The following KCNIP4 variants were observed in gnomAD, a reference collection of about 807,000 sequenced individuals.
KCNIP4 encodes the protein potassium voltage-gated channel interacting protein 4.
In KCNIP4, 12 loss-of-function variants were observed where a neutral mutation model predicts 34.0. That is an observed-to-expected ratio of 0.35 (90% confidence interval 0.23 to 0.57). The LOEUF is 0.57. Ranked by LOEUF, KCNIP4 falls within the 20% of genes least tolerant of loss-of-function variation. The pLI, the probability that KCNIP4 is intolerant of heterozygous loss-of-function variation, is 0.83. For synonymous variants in KCNIP4, 124 were observed against 102.2 expected, an observed-to-expected ratio of 1.21 and a Z score of -1.29; for missense variants, 238 against 311.7, an observed-to-expected ratio of 0.76 and a Z score of 1.78.
At chr4:21,596,794 A>G (rs1742682339) in intron 1 of KCNIP4, among the ~76,000 whole-genome samples, 1 of 152,096 alleles carries the variant, frequency 6.6e-6, no homozygotes, top group Non-Finnish European at 1.5e-5. Flanking sequence ...CATACTAAAC[A>G]GTCACTGCAG....
At position 21,773,639 on chromosome 4, in the gene KCNIP4, T is replaced by C. The variant is rs188922042; in HGVS notation, c.61+174932A>G. 4.1e-4 allele frequency among the ~76,000 whole-genome samples: 63 copies of C among 152,334 alleles called. 1 individual carries two copies. The East Asian group carries it at 0.012, about 28-fold the overall frequency. On this transcript the variant is annotated intron_variant, in intron 1 of 8. Coordinates refer to ENST00000382152, the MANE Select transcript of KCNIP4 (RefSeq NM_025221.6). Reference sequence around the variant, plus strand: ...ATATATTTAGAATAGTTAGGTCTTCTTGTTAAATTGTTCCCTTTATTGTTA... The same window carrying C: ...ATATATTTAGAATAGTTAGGTCTTCCTGTTAAATTGTTCCCTTTATTGTTA...
chr4:21,407,066 T>C (rs1724057564), intron 1 of KCNIP4, among the ~76,000 whole-genome samples: 1 of 152,196 alleles, frequency 6.6e-6, no homozygotes, highest in Non-Finnish European at 1.5e-5. Context: ...AGACCTTAAA[T>C]GATTTTTATG....
At chr4:20,911,509 G>A (rs1728322604) in intron 1 of KCNIP4, among the ~76,000 whole-genome samples, 1 of 152,248 alleles carries the variant, frequency 6.6e-6, no homozygotes, top group South Asian at 2.1e-4. Context: ...AAGGAGAAAA[G>A]GGTGGGTAAA....
chr4:21,798,404 C>T (rs866786848), intron 1 of KCNIP4, among the ~76,000 whole-genome samples: 4 of 129,664 alleles, frequency 3.1e-5, no homozygotes, highest in Non-Finnish European at 6.6e-5. Flanking sequence ...CAAAAAAATA[C>T]ATATATATAT....
intron 3 of KCNIP4, among the ~76,000 whole-genome samples, chr4:20,772,351 G>A (rs144881914): frequency 6.6e-6 from 1 of 152,278 alleles, no homozygotes; most frequent in East Asian, 1.9e-4. Flanking sequence ...GGAGCGTAAC[G>A]GTTAATCAAC....
intron 2 of KCNIP4, among the ~76,000 whole-genome samples, chr4:20,860,847 T>C (rs1184670765): frequency 2.0e-5 from 3 of 152,184 alleles, no homozygotes; most frequent in Non-Finnish European, 2.9e-5. Flanking sequence ...GGTGATGCTA[T>C]TGTTTGTTTA....
At chr4:21,377,294 C>A (rs1288054392) in intron 1 of KCNIP4, among the ~76,000 whole-genome samples, 1 of 152,156 alleles carries the variant, frequency 6.6e-6, no homozygotes, top group African/African-American at 2.4e-5. Context: ...GTCTCTCCTG[C>A]CACATACTGA....
At chr4:21,402,565 G>A (rs893504482) in intron 1 of KCNIP4, among the ~76,000 whole-genome samples, 5 of 152,142 alleles carry the variant, frequency 3.3e-5, no homozygotes, top group African/African-American at 9.7e-5. Context: ...TGTATTCATA[G>A]GCTAACTCTC....
At chr4:21,930,858 T>C (rs752990129) in intron 1 of KCNIP4, among the ~76,000 whole-genome samples, 9 of 152,130 alleles carry the variant, frequency 5.9e-5, no homozygotes, top group Non-Finnish European at 1.0e-4. Flanking sequence ...TGTCCACATG[T>C]CCCTCTCTCC....
At chr4:21,926,507 C>T (rs1729252949) in intron 1 of KCNIP4, among the ~76,000 whole-genome samples, 1 of 152,166 alleles carries the variant, frequency 6.6e-6, no homozygotes, top group African/African-American at 2.4e-5. Context: ...TCATAATCAC[C>T]ATGACCATTT....
chr4:21,737,200 A>C (rs1024532216), intron 1 of KCNIP4, among the ~76,000 whole-genome samples: 1 of 152,156 alleles, frequency 6.6e-6, no homozygotes, highest in Non-Finnish European at 1.5e-5. Context: ...GTGATGTACT[A>C]AAATGTTATC....
At chr4:21,072,758 C>T (rs979104020) in intron 1 of KCNIP4, among the ~76,000 whole-genome samples, 43 of 152,184 alleles carry the variant, frequency 2.8e-4, no homozygotes, top group African/African-American at 1.0e-3. Context: ...AGGTTTTCTC[C>T]TAGGGTTTTT....
At chr4:20,755,190 AAC>A (rs1754286201) in intron 4 of KCNIP4, among the ~76,000 whole-genome samples, 1 of 152,164 alleles carries the variant, frequency 6.6e-6, no homozygotes. Context: ...TTCACTTAAT[AAC>A]AGTCTTCCTG....
At chr4:21,086,499 T>TA (rs1746445187) in intron 1 of KCNIP4, among the ~76,000 whole-genome samples, 1 of 152,204 alleles carries the variant, frequency 6.6e-6, no homozygotes, top group South Asian at 2.1e-4. Flanking sequence ...ATTAAAAATA[T>TA]ATGATACATA....
At chr4:21,027,028 A>T (rs186933073) in intron 1 of KCNIP4, among the ~76,000 whole-genome samples, 8 of 152,350 alleles carry the variant, frequency 5.3e-5, no homozygotes. Context: ...TTCAATTTTC[A>T]AAAGATTATT....
At chr4:21,372,386 A>ATAGATAGATAGATAGATAGATAGT (rs1323077380) in intron 1 of KCNIP4, among the ~76,000 whole-genome samples, 1 of 146,850 alleles carries the variant, frequency 6.8e-6, no homozygotes, top group African/African-American at 2.7e-5. Flanking sequence ...AGATAGATAG[A>ATAGATAGATAGATAGATAGATAGT]TAGATAGTTA....
intron 1 of KCNIP4, among the ~76,000 whole-genome samples, chr4:21,383,168 A>G (rs1215581025): frequency 6.6e-6 from 1 of 152,204 alleles, no homozygotes; most frequent in African/African-American, 2.4e-5. Context: ...AGGTACCCAA[A>G]GAAACCAACC....
At position 21,488,775 on chromosome 4, in the gene KCNIP4, C is replaced by T. The variant is rs963961402; in HGVS notation, c.61+459796G>A. On this transcript the variant is annotated intron_variant, in intron 1 of 8. Coordinates refer to ENST00000382152, the MANE Select transcript of KCNIP4 (RefSeq NM_025221.6). Reference sequence around the variant, plus strand: ...CAGAAAGCAGAGAAAAGTAAAATTCCTAATGATTAATCAAACTGTCAGAGG... The same window carrying T: ...CAGAAAGCAGAGAAAAGTAAAATTCTTAATGATTAATCAAACTGTCAGAGG... 4.6e-5 allele frequency among the ~76,000 whole-genome samples: 7 copies of T among 152,068 alleles called. No individual in the cohort carries two copies. The South Asian group carries it at 1.5e-3, about 32-fold the overall frequency.
At chr4:20,756,492 TAA>T (rs1380179811) in intron 4 of KCNIP4, among the ~76,000 whole-genome samples, 1 of 152,186 alleles carries the variant, frequency 6.6e-6, no homozygotes, top group East Asian at 1.9e-4. Flanking sequence ...CATTAAAAGA[TAA>T]AGTCTTCCAC....
Sources: gnomAD v4.1 joint callset for allele counts (sites outside exome capture counted in the v4.1 genomes callset) on GRCh38, gnomAD v4.1.1 for gene constraint, MANE v1.5 for transcripts, NCBI Gene and HGNC (gene_info 2026-07-23, HGNC 2026-07-21) for gene names.